The following ADAMTSL1 variants were observed in gnomAD, a reference collection of about 807,000 sequenced individuals.
The protein encoded by ADAMTSL1 is ADAMTS-like protein 1.
In ADAMTSL1, 126 loss-of-function variants were observed where a neutral mutation model predicts 201.8. The observed-to-expected ratio is 0.62, with a 90% CI of 0.54 to 0.72. The LOEUF (loss-of-function observed/expected upper bound fraction) is 0.72. Among genes scored for constraint, ADAMTSL1 ranks in the 30% least tolerant of loss-of-function variants. ADAMTSL1 has a pLI of 0.00. For missense variants in ADAMTSL1, 2,679 were observed against 2,277.8 expected (o/e 1.18, Z -3.59); for synonymous variants, 1,121 against 903.4 (o/e 1.24, Z -4.32).
chr9:18,584,560 A>G (rs1823354511), intron 4 of ADAMTSL1, among the ~76,000 whole-genome samples: 1 of 152,226 alleles, frequency 6.6e-6, no homozygotes, highest in South Asian at 2.1e-4. Flanking sequence ...TCTTTCTTCC[A>G]GTATCCAATT....
rs75805218 is a variant in ADAMTSL1, at chr9:18,504,539, A to G, written c.64-290A>G. Among the ~76,000 whole-genome samples, 906 of 152,230 alleles carry G rather than the reference A, an allele frequency of 6.0e-3. 9 individuals carry two copies. The highest frequency in any genetic ancestry group is 0.021 in the African/African-American group (853 of 41,522). On this transcript the variant is annotated intron_variant, in intron 1 of 28. Transcript: ENST00000380548. ...TGAGCAAAATTGTGACTTCAATGCA[A>G]TTGATTGTCTTCTAACCCAAATTCC...
intron 2 of ADAMTSL1, among the ~76,000 whole-genome samples, chr9:18,351,505 T>G (rs1835963392): frequency 6.6e-6 from 1 of 152,058 alleles, no homozygotes; most frequent in Admixed American, 6.6e-5. Flanking sequence ...AGAAGGTGCA[T>G]GTAATAATGC....
intron 1 of ADAMTSL1, among the ~76,000 whole-genome samples, chr9:17,962,293 A>G (rs574906554): frequency 1.0e-3 from 152 of 152,282 alleles, no homozygotes; most frequent in Admixed American, 2.6e-3. Context: ...TGTACCACTG[A>G]CTATGAATTG....
At chr9:18,219,589 G>C (rs1163295542) in intron 2 of ADAMTSL1, among the ~76,000 whole-genome samples, 1 of 151,892 alleles carries the variant, frequency 6.6e-6, no homozygotes, top group Admixed American at 6.6e-5. Context: ...GGCTGGTCTC[G>C]AACTCCTGAC....
intron 2 of ADAMTSL1, among the ~76,000 whole-genome samples, chr9:18,341,294 A>C (rs1020059746): frequency 6.6e-6 from 1 of 152,054 alleles, no homozygotes; most frequent in African/African-American, 2.4e-5. Context: ...TTCATCTCTG[A>C]AAGTTTCATG....
chr9:18,419,214 C>G (rs1019406537), intron 2 of ADAMTSL1, among the ~76,000 whole-genome samples: 1 of 152,146 alleles, frequency 6.6e-6, no homozygotes, highest in Non-Finnish European at 1.5e-5. Flanking sequence ...GATCATTTAT[C>G]TAAGTTCAAA....
intron 2 of ADAMTSL1, among the ~76,000 whole-genome samples, chr9:18,399,072 G>C (rs1479281093): frequency 6.6e-6 from 1 of 151,512 alleles, no homozygotes; most frequent in Non-Finnish European, 1.5e-5. Context: ...CTCTCCTGGG[G>C]TTACAGAGAT....
At chr9:18,660,205 T>G (rs1828990069) in intron 8 of ADAMTSL1, among the ~76,000 whole-genome samples, 1 of 152,152 alleles carries the variant, frequency 6.6e-6, no homozygotes, top group African/African-American at 2.4e-5. Context: ...CTGTTCTGAG[T>G]GAAGATGTGA....
At chr9:18,579,236 A>G (rs976968743) in intron 4 of ADAMTSL1, among the ~76,000 whole-genome samples, 4 of 150,368 alleles carry the variant, frequency 2.7e-5, no homozygotes, top group Non-Finnish European at 5.9e-5. Flanking sequence ...TCAGTAAACT[A>G]TCGCAAGAAC....
chr9:18,178,218 C>T (rs561483189), intron 2 of ADAMTSL1, among the ~76,000 whole-genome samples: 65 of 152,304 alleles, frequency 4.3e-4, no homozygotes, highest in African/African-American at 1.4e-3. Context: ...ACTTGGGAAG[C>T]ACAAGGGGTC....
chr9:18,338,853 C>G (rs965556122), intron 2 of ADAMTSL1, among the ~76,000 whole-genome samples: 4 of 152,120 alleles, frequency 2.6e-5, no homozygotes, highest in Non-Finnish European at 5.9e-5. Context: ...TTAGCTCCCA[C>G]TTATAAGTGA....
intron 23 of ADAMTSL1, among the ~76,000 whole-genome samples, chr9:18,856,420 A>G (rs1002982422): frequency 2.0e-5 from 3 of 151,392 alleles, no homozygotes; most frequent in Admixed American, 6.6e-5. Flanking sequence ...TATTGTTGAC[A>G]TAGCAATGAT....
chr9:18,059,842 T>G (rs1396934609), intron 1 of ADAMTSL1, among the ~76,000 whole-genome samples: 1 of 152,206 alleles, frequency 6.6e-6, no homozygotes, highest in South Asian at 2.1e-4. Flanking sequence ...TAAGGCTGTC[T>G]TATAAATCTT....
chr9:18,194,186 T>A (rs779207100), intron 2 of ADAMTSL1, among the ~76,000 whole-genome samples: 1 of 152,114 alleles, frequency 6.6e-6, no homozygotes, highest in Non-Finnish European at 1.5e-5. Context: ...AGTGATGACC[T>A]TAGTCTCCTC....
chr9:18,320,986 C>T (rs1393564276), intron 2 of ADAMTSL1, among the ~76,000 whole-genome samples: 2 of 151,870 alleles, frequency 1.3e-5, no homozygotes, highest in African/African-American at 4.8e-5. Flanking sequence ...AACTGTATTA[C>T]TAATTATATT....
At chr9:18,599,901 C>T (rs906650640) in intron 4 of ADAMTSL1, among the ~76,000 whole-genome samples, 23 of 150,232 alleles carry the variant, frequency 1.5e-4, no homozygotes, top group Admixed American at 1.0e-3. Context: ...GCCTGTAATC[C>T]CAGCACTTTG....
At chr9:18,163,930 C>A (rs1396501053) in exon 2 of ADAMTSL1, 1 of 152,008 alleles carries the variant, frequency 6.6e-6, no homozygotes, top group Admixed American at 6.6e-5. Flanking sequence ...GAGAGAGCCT[C>A]CATGAAGATT....
intron 1 of ADAMTSL1, among the ~76,000 whole-genome samples, chr9:17,955,950 A>G (rs1827913208): frequency 2.6e-5 from 4 of 152,116 alleles, no homozygotes; most frequent in Admixed American, 2.6e-4. Flanking sequence ...GCTTTATTCA[A>G]TTTCCCTTTT....
At chr9:18,393,714 C>T (rs1817627120) in intron 2 of ADAMTSL1, among the ~76,000 whole-genome samples, 1 of 152,154 alleles carries the variant, frequency 6.6e-6, no homozygotes, top group Non-Finnish European at 1.5e-5. Context: ...CTGAAAATGG[C>T]AGTGCCTTAC....
Sources: allele counts gnomAD v4.1 joint callset (sites outside exome capture counted in the v4.1 genomes callset), GRCh38; gene constraint gnomAD v4.1.1; transcripts MANE v1.5; gene names NCBI Gene and HGNC (gene_info 2026-07-23, HGNC 2026-07-21).